The following DOP1A variants were observed in gnomAD, a reference collection of about 807,000 sequenced individuals.
DOP1A encodes the protein protein DOP1A.
In DOP1A, 90 loss-of-function variants were observed where a neutral mutation model predicts 267.6. The ratio of observed to expected loss-of-function variants is 0.34; its 90% CI spans 0.28 to 0.40. The LOEUF (loss-of-function observed/expected upper bound fraction) is 0.40. Among genes scored for constraint, DOP1A ranks in the 10% least tolerant of loss-of-function variants. DOP1A has a pLI of 1.00. For missense variants in DOP1A, 2,437 were observed against 2,900.4 expected (o/e 0.84, Z 3.67); for synonymous variants, 932 against 999.1 (o/e 0.93, Z 1.27).
At chr6:83,092,007 G>A (rs1295874284) in intron 1 of DOP1A, among the ~76,000 whole-genome samples, 1 of 152,122 alleles carries the variant, frequency 6.6e-6, no homozygotes, top group Non-Finnish European at 1.5e-5. Context: ...AATGTTTTAG[G>A]TTGTGTTCAC....
chr6:83,139,973 T>C, intron 21 of DOP1A, 27 bp from the exon 22 acceptor site: 1 of 1,479,656 alleles, frequency 6.8e-7, no homozygotes, highest in Non-Finnish European at 9.4e-7. Flanking sequence ...ATAAAACTTG[T>C]GTTTAAATGA....
chr6:83,102,962 ACT>A (rs1255874298), intron 4 of DOP1A, among the ~76,000 whole-genome samples: 1 of 152,036 alleles, frequency 6.6e-6, no homozygotes, highest in East Asian at 1.9e-4. Flanking sequence ...TTGCCCTGTA[ACT>A]CTCAAATCCA....
intron 3 of DOP1A, among the ~76,000 whole-genome samples, chr6:83,098,346 A>G (rs1226204509): frequency 6.6e-6 from 1 of 152,132 alleles, no homozygotes; most frequent in East Asian, 1.9e-4. Context: ...TTTCTCCCTT[A>G]CCAGCAAGCA....
intron 24 of DOP1A, among the ~76,000 whole-genome samples, chr6:83,142,712 G>C (rs1244409515): frequency 6.6e-6 from 1 of 152,062 alleles, no homozygotes; most frequent in Non-Finnish European, 1.5e-5. Flanking sequence ...ACTATGATGT[G>C]ATAGTTCAAA....
Position 83,138,974 on chromosome 6 carries a change from G to A in DOP1A, c.4932G>A (p.Val1644=), listed in dbSNP as rs1359485392. ...GTCAAGGCATGTTCCTCTGTGCAGT[G>A]ATACGAGCTTTGCATCAGCACTGTG... ...ITCQGMFLCA[V]IRALHQHCAC... The change falls in exon 21 of 39, where the codon GTG becomes GTA. Residue 1644 remains valine, a synonymous_variant. Transcript: ENST00000349129. The A allele has an allele frequency of 1.9e-6, 3 of 1,613,966 alleles. No homozygotes were observed. The highest frequency in any genetic ancestry group is 2.5e-6 in the Non-Finnish European group (3 of 1,179,976).
In DOP1A at chr6:83,135,746, C is replaced by T; in HGVS notation, c.2998C>T (p.Leu1000Phe). Residue 1000 changes from leucine to phenylalanine, a missense_variant, in exon 20 of 39, where the codon CTC becomes TTC. Physicochemically the swap from Leu to Phe is conservative, Grantham distance 22. Coordinates refer to ENST00000349129, the MANE Select transcript of DOP1A (RefSeq NM_015018.4). ...IARVLEPLLL[L>F]LLHPKTQRVS... is the part of the protein sequence containing the mutation. ...ACGAGTTTTGGAACCATTGCTATTG[C>T]TCCTGCTTCATCCAAAAACTCAGAG... 5 of 1,613,602 alleles carry T rather than the reference C, an allele frequency of 3.1e-6. No homozygotes were observed. The highest frequency in any genetic ancestry group is 1.7e-5 in the Admixed American group (1 of 59,982).
chr6:83,159,787 T>C lies in DOP1A; in HGVS notation c.6798-9T>C. The C allele has an allele frequency of 2.5e-6, 4 of 1,614,178 alleles. No homozygotes were observed. Among genetic ancestry groups the C allele is most frequent in the Middle Eastern group, 3.3e-4 (2 of 6,062 alleles). On this transcript the variant is annotated splice_polypyrimidine_tract_variant and intron_variant, in intron 36 of 38. Transcript: ENST00000349129. ...TCCAGCTGCTGACAGCACTGTCTCC[T>C]GCTTACAGGACTTCAGGGCCCTCTG...
At position 83,132,196 on chromosome 6, in the gene DOP1A, G is replaced by A; in HGVS notation, c.2637G>A (p.Trp879Ter). 2 of 1,610,360 alleles carry A rather than the reference G, an allele frequency of 1.2e-6. No homozygotes were observed. Among genetic ancestry groups the A allele is most frequent in the Non-Finnish European group, 1.7e-6 (2 of 1,177,252 alleles). ...TATAGCATGTAGCTTTAACATTGTGGGACCAGTTGGGAGATGGGACACCTC... is the reference window on the plus strand; with the variant it reads ...TATAGCATGTAGCTTTAACATTGTGAGACCAGTTGGGAGATGGGACACCTC... ...EFFKHVALTL[W>*]DQLGDGTPQH... Residue 879 changes from tryptophan to a stop codon, truncating the protein, a stop_gained, in exon 18 of 39, where the codon TGG (tryptophan) becomes TGA (stop). Transcript: ENST00000349129. LOFTEE classifies it high-confidence loss of function.
chr6:83,145,431 A>G (rs1780487132), intron 24 of DOP1A, 93 bp from the exon 25 acceptor site: 4 of 1,150,280 alleles, frequency 3.5e-6, no homozygotes, highest in South Asian at 1.9e-5. Flanking sequence ...TAAAAAATAT[A>G]AAAAAAGAAG....
Position 83,108,904 on chromosome 6 carries a change from T to A in DOP1A, c.321-6T>A. On this transcript the variant is annotated splice_region_variant and splice_polypyrimidine_tract_variant and intron_variant, in intron 4 of 38. Coordinates refer to ENST00000349129, the MANE Select transcript of DOP1A (RefSeq NM_015018.4). ...TCCTTCTCCTTTGTCTTTATTTTTT[T>A]AATAGTTCTGGATTATTTCCTCTTC... 1 of 1,605,130 alleles carries A rather than the reference T, an allele frequency of 6.2e-7. No homozygotes were observed. The highest frequency in any genetic ancestry group is 8.5e-7 in the Non-Finnish European group (1 of 1,175,980).
At chr6:83,124,878 C>T (rs891801872) in intron 13 of DOP1A, 59 bp downstream of exon 13, 4 of 1,354,364 alleles carry the variant, frequency 3.0e-6, no homozygotes, top group Admixed American at 1.9e-5. Flanking sequence ...TCAAATATTT[C>T]GTGTTGTAGG....
chr6:83,136,200 C>T (rs982170308), intron 20 of DOP1A, among the ~76,000 whole-genome samples: 22 of 152,100 alleles, frequency 1.4e-4, no homozygotes, highest in African/African-American at 5.1e-4. Context: ...TCTGTAGATA[C>T]TTCATTGGGA....
Position 83,168,446 on chromosome 6 carries a change from A to T in DOP1A, c.*279A>T. On this transcript the variant is annotated 3_prime_UTR_variant, in exon 39 of 39. Coordinates refer to ENST00000349129, the MANE Select transcript of DOP1A (RefSeq NM_015018.4). ...GTCCTGAGTTGTCTTAAACCTGCAA[A>T]ATATACACTACCCATTTTTTTTTTC... 1 of 1,095,288 alleles carries T rather than the reference A, an allele frequency of 9.1e-7. No individual in the cohort carries two copies. Among genetic ancestry groups the T allele is most frequent in the Non-Finnish European group, 1.1e-6 (1 of 900,772 alleles). 67.8% of individuals were successfully genotyped at this position (1,095,288 alleles called of 1,614,324 possible). A position where few individuals can be genotyped will look rare whatever the true frequency, so the allele number is the denominator to read the frequency against.
chr6:83,132,644 G>A (rs1004638694), intron 18 of DOP1A, among the ~76,000 whole-genome samples: 9 of 152,120 alleles, frequency 5.9e-5, no homozygotes, highest in African/African-American at 1.7e-4. Flanking sequence ...GTCATTTAAA[G>A]AGGAACCAGA....
Position 83,118,892 on chromosome 6 carries a change from C to T in DOP1A, c.785C>T (p.Thr262Ile), listed in dbSNP as rs551242458. Residue 262 changes from threonine to isoleucine, a missense_variant, in exon 8 of 39, where the codon ACT becomes ATT. Physicochemically the swap from Thr to Ile is moderately conservative, Grantham distance 89. Transcript: ENST00000349129. ...CCATATTCCTAACTCTTTCAGGCCA[C>T]TCGACCGGATATGATCAGGATCTTG... is the stretch of plus-strand genomic sequence containing the variant. ...FCFPFHMSQA[T>I]RPDMIRILSA... 4.3e-6 allele frequency: 7 copies of T among 1,613,488 alleles called. No individual in the cohort carries two copies. In the South Asian group the frequency reaches 6.6e-5, roughly 15 times the overall value.
chr6:83,093,207 A>T (rs371254945), intron 1 of DOP1A, among the ~76,000 whole-genome samples: 1 of 152,378 alleles, frequency 6.6e-6, no homozygotes, highest in East Asian at 1.9e-4. Context: ...GCACCCAAAC[A>T]TAGTGCTTGG....
chr6:83,090,652 T>C (rs1161289253), intron 1 of DOP1A, among the ~76,000 whole-genome samples: 1 of 152,162 alleles, frequency 6.6e-6, no homozygotes, highest in African/African-American at 2.4e-5. Flanking sequence ...CTGCAACAAC[T>C]AAAGCACATG....
intron 1 of DOP1A, among the ~76,000 whole-genome samples, chr6:83,069,938 T>A (rs1263731807): frequency 6.6e-6 from 1 of 152,228 alleles, no homozygotes; most frequent in Non-Finnish European, 1.5e-5. Flanking sequence ...TAACTACCTA[T>A]TTTAAGAGCT....
chr6:83,097,843 CTATTT>C (rs540132317), intron 3 of DOP1A, among the ~76,000 whole-genome samples: 2,757 of 150,374 alleles, frequency 0.018, 50 homozygotes, highest in Admixed American at 0.06. Context: ...ATAACTTATT[CTATTT>C]TATTTTATTT....
Sources: allele counts gnomAD v4.1 joint callset (sites outside exome capture counted in the v4.1 genomes callset), GRCh38; gene constraint gnomAD v4.1.1; transcripts MANE v1.5; gene names NCBI Gene and HGNC (gene_info 2026-07-23, HGNC 2026-07-21).